The following WNT8B variants were observed in gnomAD, a reference collection of about 807,000 sequenced individuals.
The protein encoded by WNT8B is protein Wnt-8b.
A neutral mutation model predicts 36.6 loss-of-function variants in WNT8B; 24 were observed. The ratio of observed to expected loss-of-function variants is 0.66; its 90% CI spans 0.48 to 0.92. The LOEUF is 0.92. Among genes scored for constraint, WNT8B ranks in the 40% least tolerant of loss-of-function variants. The pLI, the probability that WNT8B is intolerant of heterozygous loss-of-function variation, is 0.00. For synonymous variants in WNT8B, 199 were observed against 189.8 expected (o/e 1.05, Z -0.40); for missense variants, 402 against 470.8 (o/e 0.85, Z 1.35).
At chr10:100,468,946 A>T (rs979442903) in intron 1 of WNT8B, among the ~76,000 whole-genome samples, 1 of 152,202 alleles carries the variant, frequency 6.6e-6, no homozygotes, top group Non-Finnish European at 1.5e-5. Context: ...GTTTAACTTT[A>T]AAAAATTTTT....
chr10:100,471,577 A>G (rs2054146376), intron 1 of WNT8B, among the ~76,000 whole-genome samples: 1 of 152,258 alleles, frequency 6.6e-6, no homozygotes, highest in Non-Finnish European at 1.5e-5. Context: ...AATATTTACC[A>G]AGAATTTTTC....
In WNT8B at chr10:100,482,245, C is replaced by A; in HGVS notation, c.511-26C>A. 1 of 1,555,920 alleles carries A rather than the reference C, an allele frequency of 6.4e-7. No homozygotes were observed. The highest frequency in any genetic ancestry group is 1.2e-5 in the South Asian group (1 of 83,980). On this transcript the variant is annotated intron_variant, in intron 5 of 5. Transcript: ENST00000343737. The surrounding 1 kb of genome is among the most constrained non-coding windows in gnomAD (Gnocchi z 6.6). ...AACTCGCCACGCGCTTAATCCGGGG[C>A]CTCTCACTCCTAGCTCTCTCCCCAG...
Position 100,482,828 on chromosome 10 carries a change from G to T in WNT8B, c.*12G>T. ...GGAGAAAACCCTAAGGGTTTCCTCTGCCCCCTCCTTTTCCCACTGGTTCTT... is the reference window on the plus strand; with the variant it reads ...GGAGAAAACCCTAAGGGTTTCCTCTTCCCCCTCCTTTTCCCACTGGTTCTT... On this transcript the variant is annotated 3_prime_UTR_variant, in exon 6 of 6. Transcript: ENST00000343737. This position sits in a 1 kb window ranked among gnomAD's most constrained non-coding sequence, Gnocchi z 6.6. 6.7e-7 allele frequency: 1 copy of T among 1,498,038 alleles called. No individual in the cohort carries two copies. The highest frequency in any genetic ancestry group is 8.9e-7 in the Non-Finnish European group (1 of 1,122,490). The allele number at this position is 1,498,038 out of a possible 1,614,324, so 92.8% of individuals were successfully genotyped here.
rs1046607017 is a variant in WNT8B at position 100,463,147 on chromosome 10, C to G, written c.-22C>G. ...ATCTCCCAGTTTTTTGGAATTTTCTCTAGCTGTTACTCCAGAGGATTATGT... is the reference window on the plus strand; with the variant it reads ...ATCTCCCAGTTTTTTGGAATTTTCTGTAGCTGTTACTCCAGAGGATTATGT... On this transcript the variant is annotated 5_prime_UTR_variant, in exon 1 of 6. Coordinates refer to ENST00000343737, the MANE Select transcript of WNT8B (RefSeq NM_003393.4). 1 of 1,611,854 alleles carries G rather than the reference C, an allele frequency of 6.2e-7. No homozygotes were observed. The highest frequency in any genetic ancestry group is 8.5e-7 in the Non-Finnish European group (1 of 1,178,730).
At chr10:100,466,755 TC>T (rs922360658) in intron 1 of WNT8B, among the ~76,000 whole-genome samples, 12 of 151,960 alleles carry the variant, frequency 7.9e-5, no homozygotes, top group Admixed American at 2.0e-4. Context: ...GGAAAGATAT[TC>T]CTTTTTTTTT....
chr10:100,471,555 A>G (rs191648655), intron 1 of WNT8B, among the ~76,000 whole-genome samples: 1 of 152,392 alleles, frequency 6.6e-6, no homozygotes, highest in Admixed American at 6.5e-5. Context: ...AACATGGCTT[A>G]GGCCGCTCAG....
rs930524792 is a variant in WNT8B at position 100,476,248 on chromosome 10, G to T, written c.69-2804G>T. On this transcript the variant is annotated intron_variant, in intron 1 of 5. Transcript: ENST00000343737. ...GGTGTGAACCTGGGAGGCAGAGGTT[G>T]CAGTAAGCCGAGATGGCACCACTCT... Among the ~76,000 whole-genome samples, 13 of 152,218 alleles carry T rather than the reference G, an allele frequency of 8.5e-5. No homozygotes were observed. In the East Asian group the frequency reaches 2.5e-3, roughly 29 times the overall value.
rs774818472 is a variant in WNT8B at position 100,463,135 on chromosome 10, T to C, written c.-34T>C. On this transcript the variant is annotated 5_prime_UTR_variant, in exon 1 of 6. Transcript: ENST00000343737. Reference sequence around the variant, plus strand: ...TCTTGCTTACCCATCTCCCAGTTTTTTGGAATTTTCTCTAGCTGTTACTCC... The same window carrying C: ...TCTTGCTTACCCATCTCCCAGTTTTCTGGAATTTTCTCTAGCTGTTACTCC... 1.2e-6 allele frequency: 2 copies of C among 1,605,138 alleles called. No homozygotes were observed. The highest frequency in any genetic ancestry group is 1.7e-6 in the Non-Finnish European group (2 of 1,173,144).
chr10:100,468,118 GA>G, intron 1 of WNT8B, among the ~76,000 whole-genome samples: 1 of 152,336 alleles, frequency 6.6e-6, no homozygotes, highest in East Asian at 1.9e-4. Flanking sequence ...ATTTCTATTG[GA>G]GCTGTGGTTA....
At chr10:100,463,521 C>T (rs1424613023) in intron 1 of WNT8B, among the ~76,000 whole-genome samples, 3 of 152,172 alleles carry the variant, frequency 2.0e-5, no homozygotes, top group African/African-American at 7.2e-5. Flanking sequence ...GACAGCAGCC[C>T]TTTTCACGAA....
intron 1 of WNT8B, among the ~76,000 whole-genome samples, chr10:100,466,087 A>G (rs1850904951): frequency 6.6e-6 from 1 of 152,130 alleles, no homozygotes; most frequent in Non-Finnish European, 1.5e-5. Context: ...AAAAAAAACC[A>G]TATATGATCA....
At chr10:100,478,532 GAT>G (rs1309096025) in intron 1 of WNT8B, among the ~76,000 whole-genome samples, 2 of 151,902 alleles carry the variant, frequency 1.3e-5, no homozygotes, top group Admixed American at 1.3e-4. Flanking sequence ...GCAAGGAAAT[GAT>G]ACTACTTTTA....
At chr10:100,469,526 A>C (rs1215877997) in intron 1 of WNT8B, among the ~76,000 whole-genome samples, 1 of 152,278 alleles carries the variant, frequency 6.6e-6, no homozygotes, top group Admixed American at 6.5e-5. Context: ...AGAATTAGTC[A>C]TGCTTTTCAC....
chr10:100,467,008 C>G (rs1850914178), intron 1 of WNT8B, among the ~76,000 whole-genome samples: 1 of 151,506 alleles, frequency 6.6e-6, no homozygotes, highest in Non-Finnish European at 1.5e-5. Context: ...AAAGATCAGG[C>G]TAGGTTAACA....
At chr10:100,467,665 G>A (rs187916938) in intron 1 of WNT8B, among the ~76,000 whole-genome samples, 1 of 152,138 alleles carries the variant, frequency 6.6e-6, no homozygotes, top group Admixed American at 6.5e-5. Context: ...ATCCTGTCTG[G>A]TATTTCCTCA....
rs1462527380 is a variant in WNT8B at position 100,482,905 on chromosome 10, G to A, written c.*89G>A. 40 of 1,360,884 alleles carry A rather than the reference G, an allele frequency of 2.9e-5. No individual in the cohort carries two copies. Among genetic ancestry groups the A allele is most frequent in the Non-Finnish European group, 3.6e-5 (37 of 1,029,042 alleles). The allele number at this position is 1,360,884 out of a possible 1,614,324, so 84.3% of individuals were successfully genotyped here. On this transcript the variant is annotated 3_prime_UTR_variant, in exon 6 of 6. Coordinates refer to ENST00000343737, the MANE Select transcript of WNT8B (RefSeq NM_003393.4). The surrounding 1 kb of genome is among the most constrained non-coding windows in gnomAD (Gnocchi z 6.6). ...GTGGAACCTAGGGAATGGGGAACCC[G>A]CTCTCCCAGACCTAGGGATCCTGAG...
At position 100,482,296 on chromosome 10, in the gene WNT8B, C is replaced by A; in HGVS notation, c.536C>A (p.Thr179Lys). The A allele has an allele frequency of 1.3e-6, 2 of 1,592,370 alleles. No individual in the cohort carries two copies. Among genetic ancestry groups the A allele is most frequent in the Non-Finnish European group, 1.7e-6 (2 of 1,173,898 alleles). Residue 179 changes from threonine to lysine, a missense_variant, in exon 6 of 6, where the codon ACG becomes AAG. Around this residue, in one of 3 missense-constraint regions of WNT8B, gnomAD observed 256 missense variants for 278.6 expected, o/e 0.92. Transcript: ENST00000343737. The surrounding 1 kb of genome is among the most constrained non-coding windows in gnomAD (Gnocchi z 6.6). ...GCGGTGAAGGGCACCATGAAACGCA[C>A]GTGCAAGTGCCACGGCGTGTCTGGC... Reference protein sequence around the residue: ...RKAVKGTMKRTCKCHGVSGSC... With the variant: ...RKAVKGTMKRKCKCHGVSGSC...
intron 1 of WNT8B, among the ~76,000 whole-genome samples, chr10:100,471,560 G>A (rs371927303): frequency 2.6e-5 from 4 of 152,242 alleles, no homozygotes; most frequent in African/African-American, 7.2e-5. Context: ...GGCTTAGGCC[G>A]CTCAGAAATA....
chr10:100,474,574 T>C (rs11190574), intron 1 of WNT8B, among the ~76,000 whole-genome samples: 32,375 of 151,470 alleles, frequency 0.21, 3,543 homozygotes, highest in South Asian at 0.23. Flanking sequence ...ACAGTCTTCT[T>C]TTTTTTTTGA....
Sources: gnomAD v4.1 joint callset for allele counts (sites outside exome capture counted in the v4.1 genomes callset) on GRCh38, gnomAD v4.1.1 for gene constraint, gnomAD v4.1.1 regional missense constraint, Gnocchi (gnomAD v3.1) non-coding constraint, MANE v1.5 for transcripts, NCBI Gene and HGNC (gene_info 2026-07-23, HGNC 2026-07-21) for gene names.